ASCC3: variants seen among roughly 807,000 people sequenced by gnomAD.
ASCC3 encodes the protein activating signal cointegrator 1 complex subunit 3, also known as ASC-1 complex subunit P200.
A neutral mutation model predicts 256.3 loss-of-function variants in ASCC3; 158 were observed. That is an observed-to-expected ratio of 0.62 (90% CI 0.54 to 0.70). The LOEUF (loss-of-function observed/expected upper bound fraction) is 0.70, where lower values mean the gene tolerates loss of function less well. Among genes scored for constraint, ASCC3 ranks in the 30% least tolerant of loss-of-function variants. The probability of loss-of-function intolerance (pLI) is 0.00; values close to 1 mark genes in which losing one functional copy is unlikely to be tolerated. For missense variants in ASCC3, 2,259 were observed against 2,626.0 expected, an observed-to-expected ratio of 0.86 and a Z score of 3.05; for synonymous variants, 948 against 883.4, an observed-to-expected ratio of 1.07 and a Z score of -1.30.
intron 8 of ASCC3, among the ~76,000 whole-genome samples, chr6:100,775,375 G>C (rs1490829315): frequency 1.3e-5 from 2 of 152,008 alleles, no homozygotes; most frequent in African/African-American, 2.4e-5. Context: ...AGATATTTTA[G>C]AGACTATATG....
At chr6:100,688,848 A>T (rs1777705810) in intron 13 of ASCC3, among the ~76,000 whole-genome samples, 1 of 152,124 alleles carries the variant, frequency 6.6e-6, no homozygotes, top group South Asian at 2.1e-4. Context: ...TCATTACATG[A>T]ACAACTATAG....
intron 8 of ASCC3, among the ~76,000 whole-genome samples, chr6:100,790,892 C>A (rs577979596): frequency 6.6e-6 from 1 of 151,904 alleles, no homozygotes; most frequent in African/African-American, 2.4e-5. Flanking sequence ...TGCAAGTGTT[C>A]CCAGTAGACT....
intron 39 of ASCC3, 35 bp from the exon 40 acceptor site, chr6:100,512,953 A>G: frequency 2.5e-6 from 4 of 1,571,636 alleles, no homozygotes; most frequent in Non-Finnish European, 3.5e-6. Context: ...ATAAAGGAGG[A>G]GTTTATGTGA....
chr6:100,814,184 T>C (rs1035602944), intron 4 of ASCC3, among the ~76,000 whole-genome samples: 3 of 152,184 alleles, frequency 2.0e-5, no homozygotes, highest in Non-Finnish European at 4.4e-5. Flanking sequence ...CTTTTCTACA[T>C]CTATTGAGGT....
At chr6:100,677,350 C>A (rs753785145) in intron 14 of ASCC3, among the ~76,000 whole-genome samples, 50 of 142,992 alleles carry the variant, frequency 3.5e-4, no homozygotes, top group East Asian at 2.7e-4. Flanking sequence ...AAAAAAAAGA[C>A]CCCATGCCCT....
At chr6:100,678,649 T>C (rs1051212029) in intron 14 of ASCC3, among the ~76,000 whole-genome samples, 3 of 152,124 alleles carry the variant, frequency 2.0e-5, no homozygotes, top group African/African-American at 4.8e-5. Context: ...TTACGTTATA[T>C]ATATATATAA....
Position 100,638,807 on chromosome 6 carries a change from G to A in ASCC3, c.3916C>T (p.Gln1306Ter), listed in dbSNP as rs761711381. ...CCCAAAGCTGTGATTGGTAAAGGCT[G>A]AAGATCCAGTAATTCTGAAAAGACC... The part of the protein sequence containing the change: ...HPPHTELLDL[Q>*]PLPITALGCK... The change falls in exon 25 of 42, where the codon CAG (glutamine) becomes TAG (stop). Residue 1306 changes from glutamine (Q) to a stop codon, truncating the protein, a stop_gained. Coordinates refer to ENST00000369162, the MANE Select transcript of ASCC3 (RefSeq NM_006828.4). LOFTEE classifies it high-confidence loss of function. The A allele has an allele frequency of 1.2e-6, 2 of 1,614,058 alleles. No individual in the cohort carries two copies. The highest frequency in any genetic ancestry group is 1.7e-6 in the Non-Finnish European group (2 of 1,179,968).
intron 30 of ASCC3, among the ~76,000 whole-genome samples, chr6:100,614,199 G>A (rs1773545335): frequency 6.6e-6 from 1 of 151,788 alleles, no homozygotes; most frequent in Admixed American, 6.6e-5. Context: ...TCCATATATT[G>A]AAAAACTTTA....
At chr6:100,623,968 G>C (rs994981180) in intron 30 of ASCC3, among the ~76,000 whole-genome samples, 2 of 151,854 alleles carry the variant, frequency 1.3e-5, no homozygotes, top group Non-Finnish European at 2.9e-5. Flanking sequence ...GCCTGTTGTG[G>C]GGTGGGAGGA....
chr6:100,845,101 T>C (rs573288528), intron 4 of ASCC3, among the ~76,000 whole-genome samples: 3 of 152,280 alleles, frequency 2.0e-5, no homozygotes, highest in Non-Finnish European at 2.9e-5. Flanking sequence ...TTTAAGATGC[T>C]TAGCTTCAAA....
chr6:100,630,735 T>C (rs1426020612), intron 26 of ASCC3, among the ~76,000 whole-genome samples: 2 of 152,040 alleles, frequency 1.3e-5, no homozygotes, highest in Non-Finnish European at 2.9e-5. Flanking sequence ...CTTCTGCTTT[T>C]TTACAAATAA....
At position 100,625,300 on chromosome 6, in the gene ASCC3, C is replaced by T. The variant is rs771609393; in HGVS notation, c.4677G>A (p.Leu1559=). 3 of 1,612,806 alleles carry T rather than the reference C, an allele frequency of 1.9e-6. No individual in the cohort carries two copies. The highest frequency in any genetic ancestry group is 3.3e-5 in the Admixed American group (2 of 59,868). The change falls in exon 30 of 42, where the codon TTG becomes TTA. Residue 1559 remains leucine, a synonymous_variant. Transcript: ENST00000369162. ...TTTGACGTCTTGATGAGACAAATAT[C>T]AAAACAGGTTTGGCTGGAGAATGGC... is the stretch of plus-strand genomic sequence containing the variant. The part of the protein sequence containing the change: ...IRSHSPAKPV[L]IFVSSRRQTR...
chr6:100,532,348 G>C (rs1254647731), intron 37 of ASCC3, among the ~76,000 whole-genome samples: 14 of 132,704 alleles, frequency 1.1e-4, no homozygotes, highest in African/African-American at 4.2e-4. Flanking sequence ...GTGTGTGTGT[G>C]TGTGTGTGTG....
chr6:100,657,973 T>C (rs901207720), intron 16 of ASCC3, among the ~76,000 whole-genome samples: 1 of 151,472 alleles, frequency 6.6e-6, no homozygotes, highest in African/African-American at 2.4e-5. Flanking sequence ...TAGTGTGTCT[T>C]TGAAATTTAT....
chr6:100,571,926 T>C (rs1294189879), intron 36 of ASCC3, among the ~76,000 whole-genome samples: 1 of 152,208 alleles, frequency 6.6e-6, no homozygotes, highest in Admixed American at 6.5e-5. Context: ...TCTTTTATAA[T>C]GTAACATTTA....
At chr6:100,543,037 T>A (rs1413850880) in intron 36 of ASCC3, among the ~76,000 whole-genome samples, 1 of 152,170 alleles carries the variant, frequency 6.6e-6, no homozygotes, top group African/African-American at 2.4e-5. Context: ...ATTATCTACA[T>A]AATAAAGCAT....
At chr6:100,796,436 C>G (rs537803688) in intron 8 of ASCC3, among the ~76,000 whole-genome samples, 8 of 152,238 alleles carry the variant, frequency 5.3e-5, no homozygotes, top group African/African-American at 1.9e-4. Context: ...GAACTATGCC[C>G]TTCAACATTT....
At chr6:100,626,514 T>C (rs772847945) in intron 29 of ASCC3, among the ~76,000 whole-genome samples, 5 of 152,132 alleles carry the variant, frequency 3.3e-5, no homozygotes, top group Non-Finnish European at 7.4e-5. Context: ...ACCATTTCTA[T>C]GGAAGTGTAA....
At chr6:100,868,070 C>T (rs1232624975) in intron 1 of ASCC3, 32 bp from the exon 2 acceptor site, 12 of 1,200,892 alleles carry the variant, frequency 1.0e-5, no homozygotes, top group South Asian at 2.5e-5. Context: ...TTTATCTGTT[C>T]GGAAGAGGTG....
Sources: gnomAD v4.1 joint callset for allele counts (sites outside exome capture counted in the v4.1 genomes callset) on GRCh38, gnomAD v4.1.1 for gene constraint, MANE v1.5 for transcripts, NCBI Gene and HGNC (gene_info 2026-07-23, HGNC 2026-07-21) for gene names.